Variants in PDE4D observed in about 807,000 individuals in gnomAD.
The protein encoded by PDE4D is phosphodiesterase 4D, also known as 3',5'-cyclic-AMP phosphodiesterase 4D.
Under a neutral mutation model 87.4 loss-of-function variants are expected in PDE4D, and 24 were observed. The observed-to-expected ratio is 0.27, with a 90% CI of 0.20 to 0.39. PDE4D has a LOEUF of 0.39. Ranked by LOEUF, PDE4D falls within the 10% of genes least tolerant of loss-of-function variation. The pLI is 1.00. For synonymous variants in PDE4D, 384 were observed against 383.2 expected, an observed-to-expected ratio of 1.00 and a Z score of -0.02; for missense variants, 714 against 1,041.0, an observed-to-expected ratio of 0.69 and a Z score of 4.32.
chr5:59,382,723 C>T (rs949078847), intron 1 of PDE4D, among the ~76,000 whole-genome samples: 2 of 151,890 alleles, frequency 1.3e-5, no homozygotes, highest in Non-Finnish European at 2.9e-5. Flanking sequence ...TTTGGGGGTG[C>T]TAAATCCAAA....
intron 1 of PDE4D, among the ~76,000 whole-genome samples, chr5:59,831,536 G>A (rs10514881): frequency 0.13 from 19,172 of 152,032 alleles, 1,563 homozygotes; most frequent in Middle Eastern, 0.23. Context: ...GCACCAATCT[G>A]ATGTAGTGGT....
intron 1 of PDE4D, among the ~76,000 whole-genome samples, chr5:59,439,287 G>T (rs1049986758): frequency 5.3e-5 from 8 of 150,914 alleles, no homozygotes; most frequent in Admixed American, 4.6e-4. Context: ...TGAACCCTGG[G>T]AGCCAGAGGT....
intron 1 of PDE4D, among the ~76,000 whole-genome samples, chr5:59,435,516 C>A (rs543396482): frequency 2.0e-5 from 3 of 152,258 alleles, no homozygotes; most frequent in African/African-American, 7.2e-5. Flanking sequence ...TAAGCGTAAT[C>A]TCTTCCAAAA....
At chr5:60,144,332 A>C (rs1780815092) in intron 2 of PDE4D, among the ~76,000 whole-genome samples, 1 of 152,230 alleles carries the variant, frequency 6.6e-6, no homozygotes, top group Non-Finnish European at 1.5e-5. Context: ...GGCACTGTCA[A>C]CAGAAATCCC....
intron 1 of PDE4D, among the ~76,000 whole-genome samples, chr5:59,810,930 C>G (rs1768284314): frequency 6.6e-6 from 1 of 152,150 alleles, no homozygotes. Flanking sequence ...GATGGACTCA[C>G]TTATCATGTG....
At chr5:59,344,199 A>T (rs1779248334) in intron 1 of PDE4D, among the ~76,000 whole-genome samples, 1 of 152,118 alleles carries the variant, frequency 6.6e-6, no homozygotes, top group East Asian at 1.9e-4. Context: ...GTTGTTCCTT[A>T]GCAGTTCCTC....
chr5:59,665,596 A>G (rs1025211177), intron 1 of PDE4D, among the ~76,000 whole-genome samples: 1 of 152,242 alleles, frequency 6.6e-6, no homozygotes, highest in Non-Finnish European at 1.5e-5. Flanking sequence ...TTATTGCAGC[A>G]TAACTTAGAG....
intron 1 of PDE4D, among the ~76,000 whole-genome samples, chr5:59,851,879 C>A (rs767426209): frequency 6.6e-6 from 1 of 152,028 alleles, no homozygotes; most frequent in South Asian, 2.1e-4. Context: ...GAACCCTCAG[C>A]TCCACATAAG....
At chr5:60,516,621 T>C (rs184561782) in intron 1 of PDE4D, among the ~76,000 whole-genome samples, 8 of 152,350 alleles carry the variant, frequency 5.3e-5, no homozygotes, top group Non-Finnish European at 2.9e-5. Flanking sequence ...AACCTCCATA[T>C]GTCACAACAA....
chr5:59,834,629 G>A (rs979776293), intron 1 of PDE4D, among the ~76,000 whole-genome samples: 9 of 151,968 alleles, frequency 5.9e-5, no homozygotes, highest in South Asian at 2.1e-4. Flanking sequence ...CATTTACTAC[G>A]CTTCATGCTC....
intron 2 of PDE4D, among the ~76,000 whole-genome samples, chr5:59,195,693 A>G (rs1427050604): frequency 6.6e-6 from 1 of 152,214 alleles, no homozygotes; most frequent in African/African-American, 2.4e-5. Flanking sequence ...TGTAAAATGG[A>G]GATAACAGCA....
intron 1 of PDE4D, among the ~76,000 whole-genome samples, chr5:59,545,176 T>C (rs1817052861): frequency 6.6e-6 from 1 of 152,162 alleles, no homozygotes; most frequent in Non-Finnish European, 1.5e-5. Context: ...AAATTGTAAC[T>C]TCTTTGAAGA....
At chr5:59,856,062 G>C (rs987519384) in intron 1 of PDE4D, among the ~76,000 whole-genome samples, 1 of 152,102 alleles carries the variant, frequency 6.6e-6, no homozygotes, top group African/African-American at 2.4e-5. Flanking sequence ...ACTGAATGTA[G>C]AGCTCATAAT....
Position 59,789,874 on chromosome 5 carries a change from C to T in PDE4D, c.455+103294G>A, listed in dbSNP as rs1345046299. Among the ~76,000 whole-genome samples the T allele has an allele frequency of 3.9e-5, 6 of 152,162 alleles. No individual in the cohort carries two copies. In the East Asian group the frequency reaches 1.2e-3, roughly 29 times the overall value. ...TATGTTGCTCTGATTTTAGAGTACACAGAGCTATAGCACTGAAGATAATTT... is the reference window on the plus strand; with the variant it reads ...TATGTTGCTCTGATTTTAGAGTACATAGAGCTATAGCACTGAAGATAATTT... On this transcript the variant is annotated intron_variant, in intron 1 of 14. Transcript: ENST00000340635.
At chr5:59,829,457 G>A (rs1191620910) in intron 1 of PDE4D, among the ~76,000 whole-genome samples, 3 of 151,848 alleles carry the variant, frequency 2.0e-5, no homozygotes, top group African/African-American at 7.3e-5. Flanking sequence ...CAGCTGTGTG[G>A]GGGGCTGGCA....
chr5:60,220,651 C>T (rs1046866111), intron 1 of PDE4D, among the ~76,000 whole-genome samples: 14 of 152,078 alleles, frequency 9.2e-5, no homozygotes, highest in African/African-American at 2.7e-4. Flanking sequence ...ACTTTGTTTG[C>T]CATGCCATGA....
chr5:60,008,696 A>G (rs1764718701), intron 2 of PDE4D, among the ~76,000 whole-genome samples: 1 of 152,018 alleles, frequency 6.6e-6, no homozygotes, highest in Non-Finnish European at 1.5e-5. Flanking sequence ...ATGAATGAAT[A>G]TTTGGGGGAA....
At chr5:59,571,983 C>T (rs1435724654) in intron 1 of PDE4D, among the ~76,000 whole-genome samples, 1 of 152,200 alleles carries the variant, frequency 6.6e-6, no homozygotes, top group Non-Finnish European at 1.5e-5. Context: ...CTTGCTATTT[C>T]ATAATCATTT....
At chr5:60,172,118 TTATATATATAA>T (rs1216719596) in intron 2 of PDE4D, among the ~76,000 whole-genome samples, 1 of 147,082 alleles carries the variant, frequency 6.8e-6, no homozygotes, top group Non-Finnish European at 1.5e-5. Flanking sequence ...ATATATTATA[TTATATATATAA>T]TATAATATAT....
Sources: gnomAD v4.1 joint callset for allele counts (sites outside exome capture counted in the v4.1 genomes callset) on GRCh38, gnomAD v4.1.1 for gene constraint, MANE v1.5 for transcripts, NCBI Gene and HGNC (gene_info 2026-07-23, HGNC 2026-07-21) for gene names.